SPTSSB: variants seen among roughly 807,000 people sequenced by gnomAD.
SPTSSB encodes the protein serine palmitoyltransferase small subunit B, also known as androgen down regulated in mouse prostate.
SPTSSB carries 6 observed loss-of-function variants against 7.7 expected under a neutral mutation model. The ratio of observed to expected loss-of-function variants is 0.78; its 90% CI spans 0.43 to 1.54. SPTSSB has a LOEUF of 1.54. Among genes scored for constraint, SPTSSB ranks in the 40% most tolerant of loss-of-function variants. SPTSSB has a pLI of 0.01. For missense variants in SPTSSB, 91 were observed against 93.0 expected (o/e 0.98, Z 0.09); for synonymous variants, 28 against 29.7 (o/e 0.94, Z 0.19).
chr3:161,355,118 A>G (rs1284391658), intron 2 of SPTSSB, among the ~76,000 whole-genome samples: 1 of 152,194 alleles, frequency 6.6e-6, no homozygotes, highest in Non-Finnish European at 1.5e-5. Flanking sequence ...ATTTCTGGCA[A>G]TACTGGAAGG....
intron 1 of SPTSSB, among the ~76,000 whole-genome samples, chr3:161,365,465 C>A (rs1417553721): frequency 6.6e-6 from 1 of 152,268 alleles, no homozygotes; most frequent in Middle Eastern, 3.4e-3. Context: ...GGTGTCAGGT[C>A]GGCAAATCAG....
intron 2 of SPTSSB, among the ~76,000 whole-genome samples, chr3:161,351,504 A>G (rs1412237210): frequency 2.0e-5 from 3 of 152,178 alleles, no homozygotes; most frequent in Non-Finnish European, 4.4e-5. Context: ...TCCTTGCATA[A>G]GAGACTGGCT....
chr3:161,346,177 G>C lies in SPTSSB; in HGVS notation c.147C>G (p.Ala49=), dbSNP rs771705221. ...GAATGTGGATTGGAATAAAGACATAGGCAGTGTATACCACCATAGCAATAA... is the reference window on the plus strand; with the variant it reads ...GAATGTGGATTGGAATAAAGACATACGCAGTGTATACCACCATAGCAATAA... ...LTIIAMVVYT[A]YVFIPIHIRL... Residue 49 remains alanine, a synonymous_variant, in exon 3 of 3, where the codon GCC becomes GCG. Coordinates refer to ENST00000620149, the MANE Select transcript of SPTSSB (RefSeq NM_001040100.2). 6.2e-7 allele frequency: 1 copy of C among 1,612,734 alleles called. No homozygotes were observed. The highest frequency in any genetic ancestry group is 2.2e-5 in the East Asian group (1 of 44,864).
At chr3:161,363,082 G>A (rs911604385) in intron 1 of SPTSSB, among the ~76,000 whole-genome samples, 1 of 151,704 alleles carries the variant, frequency 6.6e-6, no homozygotes, top group Non-Finnish European at 1.5e-5. Flanking sequence ...CTAAGTACTA[G>A]ATTAGAAAGT....
chr3:161,350,666 A>G (rs536287008), intron 2 of SPTSSB, among the ~76,000 whole-genome samples: 1 of 152,282 alleles, frequency 6.6e-6, no homozygotes, highest in East Asian at 1.9e-4. Flanking sequence ...GCTTAATATG[A>G]CTTACTCAAG....
chr3:161,366,613 G>A (rs976390791), intron 1 of SPTSSB, among the ~76,000 whole-genome samples: 12 of 151,814 alleles, frequency 7.9e-5, no homozygotes, highest in African/African-American at 2.2e-4. Flanking sequence ...ATTGTAGCTC[G>A]TTCTTTTCTC....
At chr3:161,357,755 C>T (rs980665313) in intron 2 of SPTSSB, among the ~76,000 whole-genome samples, 8 of 151,766 alleles carry the variant, frequency 5.3e-5, no homozygotes, top group Non-Finnish European at 1.0e-4. Context: ...TGAAGACAGG[C>T]GAGATCAGAG....
At chr3:161,370,488 G>C (rs1027844984) in intron 1 of SPTSSB, among the ~76,000 whole-genome samples, 1 of 152,180 alleles carries the variant, frequency 6.6e-6, no homozygotes, top group Non-Finnish European at 1.5e-5. Flanking sequence ...GAATAATTCA[G>C]ATGTGGAAAT....
intron 1 of SPTSSB, among the ~76,000 whole-genome samples, chr3:161,363,304 A>G (rs562613650): frequency 1.3e-5 from 2 of 151,826 alleles, no homozygotes; most frequent in East Asian, 3.9e-4. Context: ...CTCTAGAAAT[A>G]GTACAGTTAA....
At chr3:161,358,842 T>C (rs569060936) in intron 2 of SPTSSB, among the ~76,000 whole-genome samples, 29 of 152,324 alleles carry the variant, frequency 1.9e-4, no homozygotes, top group Non-Finnish European at 4.0e-4. Flanking sequence ...TTTGAATTAG[T>C]AAAATCAAGG....
intron 2 of SPTSSB, among the ~76,000 whole-genome samples, chr3:161,356,716 G>C (rs1714785102): frequency 6.6e-6 from 1 of 152,066 alleles, no homozygotes; most frequent in Admixed American, 6.5e-5. Context: ...TTCTTATTTT[G>C]GTGACTGACA....
intron 2 of SPTSSB, among the ~76,000 whole-genome samples, chr3:161,355,565 C>T (rs1307101295): frequency 6.6e-6 from 1 of 152,108 alleles, no homozygotes; most frequent in Non-Finnish European, 1.5e-5. Context: ...ATGGATGAGC[C>T]TTTGTTGTTG....
At chr3:161,350,163 T>C (rs1576894976) in intron 2 of SPTSSB, among the ~76,000 whole-genome samples, 1 of 152,044 alleles carries the variant, frequency 6.6e-6, no homozygotes, top group Admixed American at 6.5e-5. Context: ...GAGCTCTTTG[T>C]TGTTGTTTTC....
At chr3:161,354,505 C>A (rs771883242) in intron 2 of SPTSSB, among the ~76,000 whole-genome samples, 1 of 152,024 alleles carries the variant, frequency 6.6e-6, no homozygotes, top group Non-Finnish European at 1.5e-5. Context: ...CCATGCCCAG[C>A]TAATTTTTAA....
Position 161,371,427 on chromosome 3 carries a change from A to T in SPTSSB, c.-126+8T>A. On this transcript the variant is annotated splice_region_variant and intron_variant, in intron 1 of 2. Transcript: ENST00000620149. The stretch of plus-strand genomic sequence containing the variant: ...ACAGTTCAAGTAGGTATTTTGGAAG[A>T]TGCTTACCTCCCAGTTGGGTGTATC... The T allele has an allele frequency of 2.0e-6, 2 of 985,440 alleles. No homozygotes were observed. The highest frequency in any genetic ancestry group is 2.4e-6 in the Non-Finnish European group (2 of 829,932). The allele number at this position is 985,440 out of a possible 1,614,324, so 61.0% of individuals were successfully genotyped here.
chr3:161,368,274 A>C (rs939928124), intron 1 of SPTSSB, among the ~76,000 whole-genome samples: 37 of 152,186 alleles, frequency 2.4e-4, no homozygotes, highest in Non-Finnish European at 1.0e-4. Context: ...AAAACTCACC[A>C]TACAATTTAC....
chr3:161,351,957 T>C (rs1714558164), intron 2 of SPTSSB, among the ~76,000 whole-genome samples: 1 of 152,172 alleles, frequency 6.6e-6, no homozygotes, highest in South Asian at 2.1e-4. Flanking sequence ...GGCTAGTGGT[T>C]ACCATACTGG....
intron 2 of SPTSSB, among the ~76,000 whole-genome samples, chr3:161,354,730 C>T (rs1279191674): frequency 1.3e-5 from 2 of 152,192 alleles, no homozygotes; most frequent in Admixed American, 6.5e-5. Context: ...GTCCAACTAT[C>T]AATTGGAGTC....
At chr3:161,349,709 A>G (rs982330383) in intron 2 of SPTSSB, among the ~76,000 whole-genome samples, 1 of 152,228 alleles carries the variant, frequency 6.6e-6, no homozygotes, top group African/African-American at 2.4e-5. Context: ...GGCTTCAGGC[A>G]GGGGTACAGT....
Sources: allele counts gnomAD v4.1 joint callset (sites outside exome capture counted in the v4.1 genomes callset), GRCh38; gene constraint gnomAD v4.1.1; transcripts MANE v1.5; gene names NCBI Gene and HGNC (gene_info 2026-07-23, HGNC 2026-07-21).